The following NTM variants were observed in gnomAD, a reference collection of about 807,000 sequenced individuals.
NTM encodes the protein neurotrimin, also known as IgLON family member 2.
NTM carries 13 observed loss-of-function variants against 42.1 expected under a neutral mutation model. The ratio of observed to expected loss-of-function variants is 0.31; its 90% CI spans 0.20 to 0.49. NTM has a LOEUF of 0.49. Among genes scored for constraint, NTM ranks in the 20% least tolerant of loss-of-function variants. The probability of loss-of-function intolerance (pLI) is 0.99; values close to 1 mark genes in which losing one functional copy is unlikely to be tolerated. For missense variants in NTM, 373 were observed against 452.8 expected, an observed-to-expected ratio of 0.82 and a Z score of 1.60; for synonymous variants, 187 against 179.2, an observed-to-expected ratio of 1.04 and a Z score of -0.35.
intron 1 of NTM, among the ~76,000 whole-genome samples, chr11:131,884,728 T>A (rs923408521): frequency 1.3e-5 from 2 of 152,176 alleles, no homozygotes; most frequent in African/African-American, 4.8e-5. Flanking sequence ...AGGCTCGCCA[T>A]CCTATCTTGA....
chr11:131,764,450 G>T (rs2084781198), intron 1 of NTM, among the ~76,000 whole-genome samples: 1 of 152,154 alleles, frequency 6.6e-6, no homozygotes, highest in Non-Finnish European at 1.5e-5. Flanking sequence ...AACCCGAGAT[G>T]TGTTTGGAAA....
chr11:132,136,510 T>C (rs1272904160), intron 2 of NTM, among the ~76,000 whole-genome samples: 1 of 152,148 alleles, frequency 6.6e-6, no homozygotes, highest in East Asian at 1.9e-4. Context: ...GTGAACCAGA[T>C]TCCTTCTTTC....
intron 2 of NTM, among the ~76,000 whole-genome samples, chr11:132,125,811 G>A (rs919498289): frequency 2.6e-3 from 2 of 764 alleles, no homozygotes; most frequent in African/African-American, 5.0e-3. Flanking sequence ...TGTGTGTGCT[G>A]TGTGGTATGT....
rs182782040 is a variant in NTM at position 131,774,388 on chromosome 11, T to G, written c.83-137176T>G. On this transcript the variant is annotated intron_variant, in intron 1 of 8. Coordinates refer to ENST00000683400, the MANE Select transcript of NTM (RefSeq NM_001352005.2). ...TTGACTTTTCACACAATTAACATAC[T>G]TTCTTAGGGAGCTGGAAAAATCACT... Among the ~76,000 whole-genome samples the G allele has an allele frequency of 7.2e-5, 11 of 152,338 alleles. No individual in the cohort carries two copies. In the East Asian group the frequency reaches 1.9e-3, roughly 27 times the overall value.
chr11:132,041,231 TAG>T (rs10598969), intron 2 of NTM, among the ~76,000 whole-genome samples: 82,439 of 145,174 alleles, frequency 0.57, 22,916 homozygotes, highest in East Asian at 0.79. Context: ...GAGAGATAGA[TAG>T]AGAGAGAGAG....
intron 4 of NTM, among the ~76,000 whole-genome samples, chr11:132,289,449 C>T (rs1043788577): frequency 1.3e-5 from 2 of 152,138 alleles, no homozygotes; most frequent in African/African-American, 4.8e-5. Context: ...ATACCTGATT[C>T]CTTTCTTGAG....
At chr11:131,855,533 C>T (rs1221600407) in intron 1 of NTM, among the ~76,000 whole-genome samples, 1 of 152,192 alleles carries the variant, frequency 6.6e-6, no homozygotes, top group African/African-American at 2.4e-5. Flanking sequence ...TTGTTTCTGC[C>T]TTTCCTTAAA....
At chr11:131,523,035 G>A (rs1399045286) in intron 1 of NTM, among the ~76,000 whole-genome samples, 2 of 152,178 alleles carry the variant, frequency 1.3e-5, no homozygotes, top group Non-Finnish European at 2.9e-5. Flanking sequence ...AAACATGAAA[G>A]CATCTACCAC....
At chr11:131,516,229 A>T (rs2048871379) in intron 1 of NTM, among the ~76,000 whole-genome samples, 1 of 152,222 alleles carries the variant, frequency 6.6e-6, no homozygotes, top group Non-Finnish European at 1.5e-5. Context: ...TGTAGCAGAG[A>T]AGCAGGTATT....
chr11:132,040,869 A>G (rs1474686469), intron 2 of NTM, among the ~76,000 whole-genome samples: 1 of 152,202 alleles, frequency 6.6e-6, no homozygotes, highest in East Asian at 1.9e-4. Context: ...ACCACTAGCT[A>G]GCTATGTGAC....
rs1018748708 is a variant in NTM at position 132,003,248 on chromosome 11, T to TC, written c.167+91600_167+91601insC. ...GATTCCTCCACCCACACCCTTAGAG[T>TC]TTTTTTTTCTTTTTTTTTTTTGACA... On this transcript the variant is annotated intron_variant, in intron 2 of 8. Transcript: ENST00000683400. The surrounding 1 kb of genome is among the most constrained non-coding windows in gnomAD (Gnocchi z 6.0). 5.6e-5 allele frequency among the ~76,000 whole-genome samples: 2 copies of TC among 35,870 alleles called. No homozygotes were observed. The highest frequency in any genetic ancestry group is 3.1e-4 in the Admixed American group (1 of 3,180). The allele number at this position is 35,870 out of a possible 152,430, so 23.5% of individuals were successfully genotyped here.
chr11:131,543,887 A>T (rs1341385493), intron 1 of NTM, among the ~76,000 whole-genome samples: 2 of 152,218 alleles, frequency 1.3e-5, no homozygotes, highest in African/African-American at 4.8e-5. Context: ...AATTAATAAC[A>T]GTTAGTAAAC....
At chr11:131,578,036 C>A (rs185542965) in intron 1 of NTM, among the ~76,000 whole-genome samples, 1 of 152,144 alleles carries the variant, frequency 6.6e-6, no homozygotes, top group Non-Finnish European at 1.5e-5. Flanking sequence ...CAATGTCAAG[C>A]GGCAGGCTGC....
At chr11:131,789,536 GA>G (rs1168656165) in intron 1 of NTM, among the ~76,000 whole-genome samples, 1 of 23,448 alleles carries the variant, frequency 4.3e-5, no homozygotes, top group African/African-American at 2.5e-4. Context: ...AGAAGAAGAA[GA>G]AGAAGAAGAA....
intron 2 of NTM, among the ~76,000 whole-genome samples, chr11:132,008,281 C>T (rs895685078): frequency 6.6e-6 from 1 of 152,132 alleles, no homozygotes. Flanking sequence ...TTCTATTGTC[C>T]TGACTTTAAT....
At chr11:131,742,306 AT>A (rs1318505320) in intron 1 of NTM, among the ~76,000 whole-genome samples, 1 of 152,172 alleles carries the variant, frequency 6.6e-6, no homozygotes, top group African/African-American at 2.4e-5. Context: ...TTTGGAAAAC[AT>A]TTCCAAACAA....
At chr11:131,471,018 T>G (rs182635583) in intron 1 of NTM, among the ~76,000 whole-genome samples, 2 of 152,310 alleles carry the variant, frequency 1.3e-5, no homozygotes, top group East Asian at 3.9e-4. Context: ...CTGCCATACA[T>G]TTTTACAGCC....
intron 4 of NTM, among the ~76,000 whole-genome samples, chr11:132,225,175 G>A (rs1411409482): frequency 7.2e-5 from 11 of 152,172 alleles, no homozygotes; most frequent in Admixed American, 5.2e-4. Flanking sequence ...GCACAACAGT[G>A]TATACTTAGG....
chr11:131,972,766 T>A (rs1301563398), intron 2 of NTM, among the ~76,000 whole-genome samples: 3 of 152,204 alleles, frequency 2.0e-5, no homozygotes, highest in Non-Finnish European at 4.4e-5. Flanking sequence ...GGTATTAACA[T>A]AAACATGTTT....
Sources: gnomAD v4.1 joint callset for allele counts (sites outside exome capture counted in the v4.1 genomes callset) on GRCh38, gnomAD v4.1.1 for gene constraint, Gnocchi (gnomAD v3.1) non-coding constraint, MANE v1.5 for transcripts, NCBI Gene and HGNC (gene_info 2026-07-23, HGNC 2026-07-21) for gene names.